Variants in FBXW11 observed in about 807,000 individuals in gnomAD.
FBXW11 encodes F-box and WD repeat domain containing 11, also known as F-box/WD repeat-containing protein 11.
Under a neutral mutation model 77.6 loss-of-function variants are expected in FBXW11, and 19 were observed. The observed-to-expected ratio is 0.24, with a 90% CI of 0.17 to 0.36. The LOEUF (loss-of-function observed/expected upper bound fraction) is 0.36. FBXW11 is among the 10% of genes least tolerant of loss of function. The pLI, the probability that FBXW11 is intolerant of heterozygous loss-of-function variation, is 1.00. For synonymous variants in FBXW11, 235 were observed against 249.4 expected, an observed-to-expected ratio of 0.94 and a Z score of 0.54; for missense variants, 334 against 704.2, an observed-to-expected ratio of 0.47 and a Z score of 5.95.
At chr5:171,892,837 C>A (rs1759446232) in intron 6 of FBXW11, among the ~76,000 whole-genome samples, 1 of 152,206 alleles carries the variant, frequency 6.6e-6, no homozygotes, top group Non-Finnish European at 1.5e-5. Context: ...GATATAGTTT[C>A]TCTCTGAGTA....
rs1757119805 is a variant in FBXW11 at position 171,862,011 on chromosome 5, G to A, written c.*2116C>T. The stretch of plus-strand genomic sequence containing the variant: ...TATAATTTAGTAGGCACAATTCAAA[G>A]GTTGTCTGCATATTCAAAGGCCATC... On this transcript the variant is annotated 3_prime_UTR_variant, in exon 14 of 14. Transcript: ENST00000517395. 1 of 152,584 alleles carries A rather than the reference G, an allele frequency of 6.6e-6. No homozygotes were observed. Among genetic ancestry groups the A allele is most frequent in the African/African-American group, 2.4e-5 (1 of 41,420 alleles). 9.5% of individuals were successfully genotyped at this position (152,584 alleles called of 1,614,324 possible).
At chr5:171,906,524 C>T (rs2113910995) in intron 4 of FBXW11, among the ~76,000 whole-genome samples, 1 of 152,304 alleles carries the variant, frequency 6.6e-6, no homozygotes, top group African/African-American at 2.4e-5. Context: ...AAATTTCCTA[C>T]CAATAAATCT....
intron 13 of FBXW11, chr5:171,867,834 G>A (rs1757509156): frequency 1.3e-5 from 2 of 152,038 alleles, no homozygotes; most frequent in South Asian, 4.2e-4. Flanking sequence ...ATCCATAGTA[G>A]TATGTTTATA....
At position 171,934,987 on chromosome 5, in the gene FBXW11, C is replaced by T. The variant is rs138861946; in HGVS notation, c.148-20582G>A. ...TTTTGTTTTGTTTTTGAGACGGAGT[C>T]TCGCTCTGTAGCCCAGGCTGGAGTG... On this transcript the variant is annotated intron_variant, in intron 2 of 13. Coordinates refer to ENST00000517395, the MANE Select transcript of FBXW11 (RefSeq NM_001378974.1). Among the ~76,000 whole-genome samples the T allele has an allele frequency of 7.9e-3, 1,207 of 152,242 alleles. 10 individuals carry two copies. The highest frequency in any genetic ancestry group is 0.011 in the Non-Finnish European group (755 of 68,014).
Position 171,910,537 on chromosome 5 carries a change from A to G in FBXW11, c.436+35T>C, listed in dbSNP as rs1331370392. On this transcript the variant is annotated intron_variant, in intron 4 of 13. Coordinates refer to ENST00000517395, the MANE Select transcript of FBXW11 (RefSeq NM_001378974.1). ...TAGGTCCTTGGGCCGGGCATTCTTC[A>G]ACTGCTCAGCTTTTGAAAAGACAAG... The G allele has an allele frequency of 2.6e-6, 4 of 1,538,228 alleles. No homozygotes were observed. The African/African-American group carries it at 4.1e-5, about 16-fold the overall frequency.
intron 1 of FBXW11, among the ~76,000 whole-genome samples, chr5:171,974,790 A>C (rs1764730815): frequency 6.6e-6 from 1 of 152,158 alleles, no homozygotes. Context: ...TTAAGATCCC[A>C]AGTCTAACAC....
intron 7 of FBXW11, among the ~76,000 whole-genome samples, 184 bp downstream of exon 7, chr5:171,891,283 C>T (rs950141672): frequency 2.0e-5 from 3 of 151,964 alleles, no homozygotes; most frequent in African/African-American, 7.3e-5. Flanking sequence ...TGAGACAATC[C>T]AGGGTCTTGT....
At chr5:171,894,030 C>CT (rs397817192) in intron 6 of FBXW11, among the ~76,000 whole-genome samples, 2 of 151,518 alleles carry the variant, frequency 1.3e-5, no homozygotes, top group Non-Finnish European at 2.9e-5. Context: ...CCATGCTCTC[C>CT]GCTGCTCTAA....
intron 2 of FBXW11, among the ~76,000 whole-genome samples, chr5:171,935,687 T>C (rs149629418): frequency 7.3e-4 from 111 of 152,222 alleles, no homozygotes; most frequent in African/African-American, 2.6e-3. Flanking sequence ...AAGCAAGGCA[T>C]CAGTGGAGCA....
At chr5:171,930,915 A>G (rs1762160255) in intron 2 of FBXW11, among the ~76,000 whole-genome samples, 1 of 152,124 alleles carries the variant, frequency 6.6e-6, no homozygotes, top group Non-Finnish European at 1.5e-5. Flanking sequence ...GTGAAATTAA[A>G]AACATATTAC....
Position 171,878,555 on chromosome 5 carries a change from TGTGTGA to T in FBXW11, c.853-432_853-427del, listed in dbSNP as rs1354835885. On this transcript the variant is annotated intron_variant, in intron 7 of 13. Coordinates refer to ENST00000517395, the MANE Select transcript of FBXW11 (RefSeq NM_001378974.1). Reference sequence around the variant, plus strand: ...CATACCAAGCCAATCTCCATAAGAGTGTGTGAGTGTGTGTGTGTGTGTGTGTGTGTG... The same window carrying T: ...CATACCAAGCCAATCTCCATAAGAGTGTGTGTGTGTGTGTGTGTGTGTGTG... 4.2e-3 allele frequency among the ~76,000 whole-genome samples: 175 copies of T among 41,806 alleles called. 3 individuals are homozygous for T. The highest frequency in any genetic ancestry group is 9.4e-3 in the African/African-American group (156 of 16,602). 27.4% of individuals were successfully genotyped at this position (41,806 alleles called of 152,430 possible). A position where few individuals can be genotyped will look rare whatever the true frequency, so the allele number is the denominator to read the frequency against.
At chr5:171,926,662 T>C (rs1761907753) in intron 2 of FBXW11, among the ~76,000 whole-genome samples, 1 of 152,208 alleles carries the variant, frequency 6.6e-6, no homozygotes, top group Non-Finnish European at 1.5e-5. Flanking sequence ...GCTGCCATGC[T>C]TCCTATATAG....
chr5:171,917,719 T>C (rs1761342007), intron 2 of FBXW11, among the ~76,000 whole-genome samples: 1 of 151,524 alleles, frequency 6.6e-6, no homozygotes, highest in African/African-American at 2.4e-5. Context: ...TAATTAGGTT[T>C]AGAAATTAGA....
At chr5:171,893,441 A>C (rs1278390859) in intron 6 of FBXW11, among the ~76,000 whole-genome samples, 1 of 148,614 alleles carries the variant, frequency 6.7e-6, no homozygotes, top group Admixed American at 6.7e-5. Context: ...AAAAAAAAAA[A>C]AAAAAACTAA....
At chr5:172,002,718 G>A (rs1303628461) in intron 1 of FBXW11, among the ~76,000 whole-genome samples, 1 of 13,922 alleles carries the variant, frequency 7.2e-5, no homozygotes, top group African/African-American at 3.5e-4. Flanking sequence ...TTTTTTTTTT[G>A]AGAGTGTCTT....
chr5:171,870,724 C>A, intron 11 of FBXW11, 24 bp downstream of exon 11: 2 of 1,496,782 alleles, frequency 1.3e-6, no homozygotes, highest in Non-Finnish European at 1.9e-6. Flanking sequence ...TATAGCAGTA[C>A]ATCTGAAAAT....
chr5:171,897,387 T>A (rs900669752), intron 6 of FBXW11, among the ~76,000 whole-genome samples: 1 of 152,118 alleles, frequency 6.6e-6, no homozygotes, highest in African/African-American at 2.4e-5. Context: ...AAACCACACT[T>A]TAAGAACCAC....
intron 1 of FBXW11, among the ~76,000 whole-genome samples, chr5:171,977,464 G>C (rs974947714): frequency 6.6e-6 from 1 of 152,178 alleles, no homozygotes; most frequent in Admixed American, 6.5e-5. Flanking sequence ...ATGAACTGAA[G>C]ATGACAAAAC....
chr5:171,961,517 G>A (rs768963194), intron 1 of FBXW11, among the ~76,000 whole-genome samples: 4 of 152,152 alleles, frequency 2.6e-5, no homozygotes, highest in Non-Finnish European at 5.9e-5. Context: ...AACAAGGTAG[G>A]TTCCTCTTAG....
Sources: gnomAD v4.1 joint callset for allele counts (sites outside exome capture counted in the v4.1 genomes callset) on GRCh38, gnomAD v4.1.1 for gene constraint, MANE v1.5 for transcripts, NCBI Gene and HGNC (gene_info 2026-07-23, HGNC 2026-07-21) for gene names.